Variants in SLC30A8 observed in about 807,000 individuals in gnomAD.
The protein encoded by SLC30A8 is proton-coupled zinc antiporter SLC30A8.
A neutral mutation model predicts 36.9 loss-of-function variants in SLC30A8; 27 were observed. That is an observed-to-expected ratio of 0.73 (90% confidence interval 0.54 to 1.01). SLC30A8 has a LOEUF of 1.01. SLC30A8 is among the 50% of genes least tolerant of loss of function. The pLI is 0.00. For synonymous variants in SLC30A8, 164 were observed against 172.4 expected (o/e 0.95, Z 0.38); for missense variants, 439 against 452.0 (o/e 0.97, Z 0.26).
intron 2 of SLC30A8, among the ~76,000 whole-genome samples, chr8:117,059,735 G>A (rs536814475): frequency 1.2e-4 from 19 of 152,280 alleles, no homozygotes; most frequent in African/African-American, 4.3e-4. Context: ...TGAGTGGCAG[G>A]ATAAAATGTT....
intron 1 of SLC30A8, among the ~76,000 whole-genome samples, chr8:116,981,024 G>A (rs1279848440): frequency 6.6e-6 from 1 of 152,174 alleles, no homozygotes; most frequent in Non-Finnish European, 1.5e-5. Flanking sequence ...AACACCGAGG[G>A]TCACAAATTC....
At chr8:116,962,299 A>G (rs1049547782) in intron 1 of SLC30A8, among the ~76,000 whole-genome samples, 2 of 151,990 alleles carry the variant, frequency 1.3e-5, no homozygotes, top group African/African-American at 2.4e-5. Flanking sequence ...GTAACTAACA[A>G]TAAGCACCAG....
chr8:117,123,747 A>G (rs1347754617), intron 2 of SLC30A8, among the ~76,000 whole-genome samples: 1 of 152,050 alleles, frequency 6.6e-6, no homozygotes, highest in Non-Finnish European at 1.5e-5. Context: ...ATAACACAAT[A>G]TGTCATTCTT....
intron 1 of SLC30A8, among the ~76,000 whole-genome samples, chr8:116,974,871 T>A (rs1325464996): frequency 6.6e-6 from 1 of 151,724 alleles, no homozygotes; most frequent in East Asian, 1.9e-4. Flanking sequence ...AAAGGATGAG[T>A]TCATGTCCTT....
intron 2 of SLC30A8, among the ~76,000 whole-genome samples, chr8:117,052,101 C>T (rs1817728032): frequency 6.6e-6 from 1 of 152,162 alleles, no homozygotes. Context: ...ACCTCTGCCT[C>T]CCGGGTTCAA....
In SLC30A8 at chr8:117,166,160, A is replaced by G. The variant is rs528420038; in HGVS notation, c.829+2630A>G. On this transcript the variant is annotated intron_variant, in intron 6 of 7. Coordinates refer to ENST00000456015, the MANE Select transcript of SLC30A8 (RefSeq NM_173851.3). ...CCCAATACAACGAAATAATAAATGTATGAGATGATGAATTTGTCAGTTACC... is the reference window on the plus strand; with the variant it reads ...CCCAATACAACGAAATAATAAATGTGTGAGATGATGAATTTGTCAGTTACC... Among the ~76,000 whole-genome samples the G allele has an allele frequency of 1.1e-4, 16 of 152,314 alleles. No homozygotes were observed. The South Asian group carries it at 3.3e-3, about 32-fold the overall frequency.
chr8:117,064,116 T>A lies in SLC30A8; in HGVS notation c.-226+24858T>A, dbSNP rs566961390. Among the ~76,000 whole-genome samples, 16 of 152,174 alleles carry A rather than the reference T, an allele frequency of 1.1e-4. No homozygotes were observed. In the South Asian group the frequency reaches 3.3e-3, roughly 32 times the overall value. ...AAGTGATTCTCCAGCCTCAGCCTCC[T>A]GAGTAGCTGGGATTACAGGTGCCTG... On this transcript the variant is annotated intron_variant, in intron 2 of 10. Transcript: ENST00000427715.
At chr8:117,139,655 A>G (rs1821550613) in intron 1 of SLC30A8, among the ~76,000 whole-genome samples, 1 of 152,106 alleles carries the variant, frequency 6.6e-6, no homozygotes, top group African/African-American at 2.4e-5. Flanking sequence ...AAGAAGGCCA[A>G]AATCTGGGTG....
intron 1 of SLC30A8, among the ~76,000 whole-genome samples, chr8:117,026,169 A>C (rs945681969): frequency 1.3e-5 from 2 of 152,152 alleles, no homozygotes; most frequent in Non-Finnish European, 2.9e-5. Flanking sequence ...GGTGTGCTTC[A>C]GTTATAATTA....
intron 2 of SLC30A8, among the ~76,000 whole-genome samples, chr8:117,062,692 G>C (rs1818056399): frequency 6.6e-6 from 1 of 152,196 alleles, no homozygotes. Context: ...CATAGGGCTG[G>C]GGTCAGAAGT....
intron 1 of SLC30A8, among the ~76,000 whole-genome samples, chr8:117,031,436 C>CTTCTTCT (rs201585547): frequency 4.6e-5 from 7 of 150,944 alleles, no homozygotes; most frequent in African/African-American, 1.2e-4. Flanking sequence ...AATTCTTCTT[C>CTTCTTCT]TTCTTCTTTC....
intron 5 of SLC30A8, among the ~76,000 whole-genome samples, chr8:117,162,469 G>A (rs1367969569): frequency 6.6e-6 from 1 of 152,044 alleles, no homozygotes; most frequent in Non-Finnish European, 1.5e-5. Context: ...TGAAAAGTGG[G>A]AATGACTTCC....
At chr8:117,081,886 G>A (rs71530857) in intron 2 of SLC30A8, among the ~76,000 whole-genome samples, 18,444 of 152,122 alleles carry the variant, frequency 0.12, 1,195 homozygotes, top group East Asian at 0.14. Context: ...GGGTTGTTCT[G>A]TCACCATTTT....
At chr8:116,977,141 CTTTTTTTTTTTT>C (rs71305451) in intron 1 of SLC30A8, among the ~76,000 whole-genome samples, 27 of 59,108 alleles carry the variant, frequency 4.6e-4, no homozygotes, top group African/African-American at 1.8e-3. Flanking sequence ...CTTTTTCTTG[CTTTTTTTTTTTT>C]TTTTTTTTTT....
intron 1 of SLC30A8, among the ~76,000 whole-genome samples, chr8:117,146,486 G>A (rs570290196): frequency 1.8e-4 from 27 of 152,182 alleles, no homozygotes; most frequent in Admixed American, 5.2e-4. Context: ...GAGTACTTAC[G>A]GACTCAGCAG....
chr8:117,024,788 A>G (rs1347473273), intron 1 of SLC30A8, among the ~76,000 whole-genome samples: 1 of 151,806 alleles, frequency 6.6e-6, no homozygotes, highest in Non-Finnish European at 1.5e-5. Flanking sequence ...GCCCATCATT[A>G]TTTGTTTTTT....
intron 1 of SLC30A8, among the ~76,000 whole-genome samples, chr8:117,146,042 G>A (rs943139438): frequency 2.0e-5 from 3 of 152,006 alleles, no homozygotes; most frequent in African/African-American, 7.2e-5. Context: ...AAAAAGATCT[G>A]GTGTTTGATA....
At chr8:117,169,811 T>G (rs7002176) in intron 6 of SLC30A8, among the ~76,000 whole-genome samples, 2 of 151,718 alleles carry the variant, frequency 1.3e-5, no homozygotes, top group African/African-American at 4.8e-5. Flanking sequence ...TCACTCATCA[T>G]CGCAAAGACA....
intron 1 of SLC30A8, among the ~76,000 whole-genome samples, chr8:116,967,695 G>A (rs2130608610): frequency 6.6e-6 from 1 of 152,290 alleles, no homozygotes; most frequent in Non-Finnish European, 1.5e-5. Context: ...TAAGTTTGGA[G>A]AGCATAATCA....
Sources: gnomAD v4.1 joint callset for allele counts (sites outside exome capture counted in the v4.1 genomes callset) on GRCh38, gnomAD v4.1.1 for gene constraint, MANE v1.5 for transcripts, NCBI Gene and HGNC (gene_info 2026-07-23, HGNC 2026-07-21) for gene names.